KIF5C: variants seen among roughly 807,000 people sequenced by gnomAD.
The protein encoded by KIF5C is kinesin family member 5C, also known as kinesin heavy chain isoform 5C.
KIF5C carries 18 observed loss-of-function variants against 125.2 expected under a neutral mutation model. That is an observed-to-expected ratio of 0.14 (90% confidence interval 0.10 to 0.21). The LOEUF (loss-of-function observed/expected upper bound fraction) is 0.21, where lower values mean the gene tolerates loss of function less well. Among genes scored for constraint, KIF5C ranks in the 10% least tolerant of loss-of-function variants. The pLI is 1.00. For synonymous variants in KIF5C, 405 were observed against 434.0 expected, an observed-to-expected ratio of 0.93 and a Z score of 0.83; for missense variants, 780 against 1,183.8, an observed-to-expected ratio of 0.66 and a Z score of 5.01.
intron 13 of KIF5C, among the ~76,000 whole-genome samples, chr2:148,981,085 G>A (rs1681221241): frequency 6.6e-6 from 1 of 152,092 alleles, no homozygotes; most frequent in African/African-American, 2.4e-5. Context: ...TTTGAGTTAA[G>A]GGTATACAGC....
rs141040904 is a variant in KIF5C, at chr2:149,007,123, G to A, written c.2446-840G>A. On this transcript the variant is annotated intron_variant, in intron 22 of 25. Coordinates refer to ENST00000435030, the MANE Select transcript of KIF5C (RefSeq NM_004522.3). ...CTGAATCAGAGACTAGGGATGGGGC[G>A]TGGCAATCTAAGTCTCAACAAACCC... Among the ~76,000 whole-genome samples, 376 of 152,304 alleles carry A rather than the reference G, an allele frequency of 2.5e-3. 1 individual carries two copies. The highest frequency in any genetic ancestry group is 4.3e-3 in the Non-Finnish European group (292 of 68,024).
chr2:148,905,939 A>T (rs1202615093), intron 1 of KIF5C, among the ~76,000 whole-genome samples: 1 of 152,148 alleles, frequency 6.6e-6, no homozygotes, highest in Admixed American at 6.5e-5. Context: ...ATCTTGTGAG[A>T]CTTATTCACT....
rs188545542 is a variant in KIF5C, at chr2:148,982,958, A to G, written c.1570-662A>G. ...AAGAATACATACCTTTTGGCAAGATACATGAGGATGAAAAAGAGATGGGTT... is the reference window on the plus strand; with the variant it reads ...AAGAATACATACCTTTTGGCAAGATGCATGAGGATGAAAAAGAGATGGGTT... On this transcript the variant is annotated intron_variant, in intron 14 of 25. Coordinates refer to ENST00000435030, the MANE Select transcript of KIF5C (RefSeq NM_004522.3). 5.7e-4 allele frequency among the ~76,000 whole-genome samples: 87 copies of G among 152,364 alleles called. No homozygotes were observed. In the Middle Eastern group the frequency reaches 0.017, roughly 30 times the overall value.
Position 148,875,365 on chromosome 2 carries a change from A to C in KIF5C, c.-253A>C. The C allele has an allele frequency of 2.7e-6, 1 of 370,016 alleles. No individual in the cohort carries two copies. The highest frequency in any genetic ancestry group is 4.8e-6 in the Non-Finnish European group (1 of 208,992). The allele number at this position is 370,016 out of a possible 1,614,324, so 22.9% of individuals were successfully genotyped here. On this transcript the variant is annotated 5_prime_UTR_variant, in exon 1 of 26. Coordinates refer to ENST00000435030, the MANE Select transcript of KIF5C (RefSeq NM_004522.3). ...GCAGGTGGGCCGGGGGGCGCTGGGC[A>C]GGGGCGGGGCAGGGCCAGGGCAGGC...
At chr2:148,966,943 A>G (rs1574796072) in intron 11 of KIF5C, among the ~76,000 whole-genome samples, 1 of 152,150 alleles carries the variant, frequency 6.6e-6, no homozygotes, top group Admixed American at 6.5e-5. Flanking sequence ...CCAGAACTGT[A>G]AGTAATAAAT....
Position 148,947,787 on chromosome 2 carries a change from C to T in KIF5C, c.714+764C>T, listed in dbSNP as rs149573189. On this transcript the variant is annotated intron_variant, in intron 8 of 25. Coordinates refer to ENST00000435030, the MANE Select transcript of KIF5C (RefSeq NM_004522.3). ...ACCTCCCTCGAGCAACATCATAGAG[C>T]AAGGCCATGTGCACAATGCCCTCTG... 4.7e-5 allele frequency: 20 copies of T among 423,250 alleles called. No individual in the cohort carries two copies. The East Asian group carries it at 1.0e-3, about 21-fold the overall frequency. 26.2% of individuals were successfully genotyped at this position (423,250 alleles called of 1,614,324 possible).
chr2:149,005,471 T>C lies in KIF5C; in HGVS notation c.2445+7T>C, dbSNP rs1681978730. ...GACCACCCGAGTTAAAAAAGTGAGT[T>C]CTCTTTGTCTGAATGGGACTGAGAA... On this transcript the variant is annotated splice_region_variant and intron_variant, in intron 22 of 25. Transcript: ENST00000435030. The C allele has an allele frequency of 6.2e-7, 1 of 1,613,142 alleles. No individual in the cohort carries two copies. Among genetic ancestry groups the C allele is most frequent in the Non-Finnish European group, 8.5e-7 (1 of 1,179,694 alleles).
At position 149,000,464 on chromosome 2, in the gene KIF5C, C is replaced by A; in HGVS notation, c.2252C>A (p.Ser751Tyr). Residue 751 changes from serine to tyrosine, a missense_variant, in exon 20 of 26, where the codon TCT (serine) becomes TAT (tyrosine). Physicochemically the swap from Ser to Tyr is moderately radical, Grantham distance 144. This residue lies in a region of KIF5C where 573 missense variants were observed against 742.6 expected (regional missense o/e 0.77). Transcript: ENST00000435030. ...KLQLEQEKLS[S>Y]DYNKLKIEDQ... is the part of the protein sequence containing the mutation. ...CAACTGGAACAGGAGAAGCTTAGTT[C>A]TGATTATAACAAGCTGAAAATAGAG... 3.8e-6 allele frequency: 6 copies of A among 1,584,596 alleles called. No homozygotes were observed. Among genetic ancestry groups the A allele is most frequent in the Non-Finnish European group, 4.3e-6 (5 of 1,159,666 alleles).
chr2:148,971,290 G>GTCTGTCTATCTATCTATCTA (rs764761986), intron 11 of KIF5C, among the ~76,000 whole-genome samples: 15 of 137,322 alleles, frequency 1.1e-4, no homozygotes, highest in South Asian at 9.6e-4. Context: ...CTGTCTGTCT[G>GTCTGTCTATCTATCTATCTA]TCTATCTATC....
chr2:148,989,022 A>C (rs1258588753), intron 15 of KIF5C, among the ~76,000 whole-genome samples: 1 of 152,054 alleles, frequency 6.6e-6, no homozygotes, highest in Non-Finnish European at 1.5e-5. Context: ...TACATGGATA[A>C]GTTCTTTAGT....
At chr2:148,975,985 G>A (rs1011347184) in intron 12 of KIF5C, among the ~76,000 whole-genome samples, 4 of 152,134 alleles carry the variant, frequency 2.6e-5, no homozygotes, top group Admixed American at 2.0e-4. Flanking sequence ...AAGGGGTGGT[G>A]CCAAGGGGGC....
intron 10 of KIF5C, among the ~76,000 whole-genome samples, chr2:148,954,437 A>G (rs1317534099): frequency 2.6e-5 from 4 of 152,224 alleles, no homozygotes; most frequent in African/African-American, 9.6e-5. Flanking sequence ...GCTATTTGAA[A>G]AAGATATTTA....
At chr2:148,942,873 T>C in intron 7 of KIF5C, 113 bp downstream of exon 7, 1 of 1,510,200 alleles carries the variant, frequency 6.6e-7, no homozygotes, top group Non-Finnish European at 9.0e-7. Context: ...GGAAGGTGAT[T>C]AAAGAGCAGT....
In KIF5C at chr2:149,010,150, G is replaced by A. The variant is rs1044306642; in HGVS notation, c.2566G>A (p.Ala856Thr). The change falls in exon 24 of 26, where the codon GCA becomes ACA. Residue 856 changes from alanine (A) to threonine (T), a missense_variant. Ala to Thr is a moderately conservative substitution (Grantham distance 58, BLOSUM62 0). Around this residue, in one of 2 missense-constraint regions of KIF5C, gnomAD observed 573 missense variants for 742.6 expected, o/e 0.77. Coordinates refer to ENST00000435030, the MANE Select transcript of KIF5C (RefSeq NM_004522.3). ...KVHKQLVRDN[A>T]DLRCELPKLE... ...CCTGCCCCAGCTGGTCCGGGACAAC[G>A]CAGACCTGCGCTGTGAACTGCCCAA... 4 of 1,551,174 alleles carry A rather than the reference G, an allele frequency of 2.6e-6. No homozygotes were observed. Among genetic ancestry groups the A allele is most frequent in the Admixed American group, 2.0e-5 (1 of 50,932 alleles).
At chr2:148,967,284 G>A (rs959902645) in intron 11 of KIF5C, among the ~76,000 whole-genome samples, 1 of 152,224 alleles carries the variant, frequency 6.6e-6, no homozygotes, top group Non-Finnish European at 1.5e-5. Flanking sequence ...AAGAGAATGT[G>A]TTAGAAGGAT....
chr2:148,982,885 G>A (rs2105161126), intron 14 of KIF5C, among the ~76,000 whole-genome samples: 1 of 152,310 alleles, frequency 6.6e-6, no homozygotes, highest in Admixed American at 6.5e-5. Context: ...CTGCATATGG[G>A]AGAATTGTAT....
chr2:148,957,606 A>AC (rs1196956511), intron 10 of KIF5C, among the ~76,000 whole-genome samples: 56 of 151,014 alleles, frequency 3.7e-4, no homozygotes, highest in East Asian at 5.8e-4. Context: ...AAAAAAAAAA[A>AC]AAAAAAAAAA....
chr2:148,888,471 AC>A (rs1385840684), intron 1 of KIF5C: 1 of 151,916 alleles, frequency 6.6e-6, no homozygotes, highest in Non-Finnish European at 1.5e-5. Flanking sequence ...AACCAAGGAA[AC>A]CGTCTTTGTC....
At chr2:148,888,750 T>G (rs1371377198) in intron 1 of KIF5C, 1 of 152,056 alleles carries the variant, frequency 6.6e-6, no homozygotes, top group African/African-American at 2.4e-5. Context: ...ATTTTATTTT[T>G]TCTATCCTCC....
Sources: allele counts gnomAD v4.1 joint callset (sites outside exome capture counted in the v4.1 genomes callset), GRCh38; gene constraint gnomAD v4.1.1; regional missense constraint gnomAD v4.1.1; transcripts MANE v1.5; gene names NCBI Gene and HGNC (gene_info 2026-07-23, HGNC 2026-07-21).